Variants in TRIP4 observed in about 807,000 individuals in gnomAD.
The protein encoded by TRIP4 is activating signal cointegrator 1.
Under a neutral mutation model 81.8 loss-of-function variants are expected in TRIP4, and 54 were observed. The observed-to-expected ratio is 0.66, with a 90% CI of 0.53 to 0.83. The LOEUF is 0.83. Ranked by LOEUF, TRIP4 falls within the 40% of genes least tolerant of loss-of-function variation. The pLI, the probability that TRIP4 is intolerant of heterozygous loss-of-function variation, is 0.00. For synonymous variants in TRIP4, 270 were observed against 242.8 expected (o/e 1.11, Z -1.04); for missense variants, 662 against 683.6 (o/e 0.97, Z 0.35).
At chr15:64,412,432 T>G (rs1891786011) in intron 7 of TRIP4, among the ~76,000 whole-genome samples, 1 of 152,140 alleles carries the variant, frequency 6.6e-6, no homozygotes, top group South Asian at 2.1e-4. Context: ...TACAACATGT[T>G]GGATGATGGA....
chr15:64,398,338 T>C (rs1900354843), intron 4 of TRIP4, among the ~76,000 whole-genome samples: 1 of 127,492 alleles, frequency 7.8e-6, no homozygotes, highest in Non-Finnish European at 1.6e-5. Context: ...GAAGCCAAGG[T>C]GGGTTTTGGG....
chr15:64,452,567 C>T (rs1892794636), intron 12 of TRIP4, among the ~76,000 whole-genome samples: 2 of 152,256 alleles, frequency 1.3e-5, no homozygotes, highest in South Asian at 4.1e-4. Flanking sequence ...CTATAGAATG[C>T]ACTTCATGTT....
chr15:64,441,110 C>G (rs1378493407), intron 11 of TRIP4, among the ~76,000 whole-genome samples: 2 of 152,116 alleles, frequency 1.3e-5, no homozygotes, highest in East Asian at 3.9e-4. Flanking sequence ...CATTCTCCTG[C>G]CTCAGCCTCC....
At chr15:64,435,304 G>C (rs1165445465) in intron 11 of TRIP4, among the ~76,000 whole-genome samples, 1 of 149,028 alleles carries the variant, frequency 6.7e-6, no homozygotes, top group African/African-American at 2.5e-5. Flanking sequence ...GGCAGATCAC[G>C]AGGTCAGGAG....
At chr15:64,409,088 A>G (rs1015940889) in intron 6 of TRIP4, among the ~76,000 whole-genome samples, 2 of 151,980 alleles carry the variant, frequency 1.3e-5, no homozygotes, top group Non-Finnish European at 2.9e-5. Context: ...TGTTGCGCCT[A>G]TAATCCCAGC....
rs186399191 is a variant in TRIP4 at position 64,425,461 on chromosome 15, C to T, written c.1484-79C>T. 71 of 1,207,748 alleles carry T rather than the reference C, an allele frequency of 5.9e-5. No individual in the cohort carries two copies. The African/African-American group carries it at 1.0e-3, about 18-fold the overall frequency. 74.8% of individuals were successfully genotyped at this position (1,207,748 alleles called of 1,614,324 possible). ...ATGGAAAAAGTTATTAATGTTTGTTCAGAATTGAAAACAGATTCCTGAGTT... is the reference window on the plus strand; with the variant it reads ...ATGGAAAAAGTTATTAATGTTTGTTTAGAATTGAAAACAGATTCCTGAGTT... On this transcript the variant is annotated intron_variant, in intron 10 of 12. Transcript: ENST00000261884.
chr15:64,423,522 T>C (rs908152259), intron 9 of TRIP4, among the ~76,000 whole-genome samples: 1 of 131,114 alleles, frequency 7.6e-6, no homozygotes, highest in Non-Finnish European at 1.6e-5. Flanking sequence ...AGAGTAAAGA[T>C]AAGCGTTTTT....
chr15:64,400,473 C>CT (rs34275640), intron 4 of TRIP4, among the ~76,000 whole-genome samples: 29 of 125,708 alleles, frequency 2.3e-4, no homozygotes, highest in African/African-American at 5.3e-4. Context: ...TGTGCCCAGC[C>CT]TTTTTTTTTT....
intron 7 of TRIP4, among the ~76,000 whole-genome samples, chr15:64,411,076 T>C (rs1471266679): frequency 6.6e-6 from 1 of 152,218 alleles, no homozygotes; most frequent in Admixed American, 6.5e-5. Flanking sequence ...ATTCTGTTAC[T>C]GTGAATGGGA....
At chr15:64,450,370 G>A (rs1405893318) in intron 12 of TRIP4, among the ~76,000 whole-genome samples, 41 of 128,670 alleles carry the variant, frequency 3.2e-4, no homozygotes, top group Non-Finnish European at 5.2e-4. Flanking sequence ...GCCTGGGCGA[G>A]AGTGTGAGAC....
intron 10 of TRIP4, 44 bp from the exon 11 acceptor site, chr15:64,425,496 C>G (rs761133946): frequency 6.5e-7 from 1 of 1,530,842 alleles, no homozygotes; most frequent in Non-Finnish European, 9.0e-7. Context: ...TCCAAGATCA[C>G]AAAGAAGGAA....
At chr15:64,415,391 A>G (rs1182758400) in intron 8 of TRIP4, among the ~76,000 whole-genome samples, 2 of 152,200 alleles carry the variant, frequency 1.3e-5, no homozygotes, top group African/African-American at 4.8e-5. Flanking sequence ...AAGTACCACA[A>G]ATTAGGTGAC....
At chr15:64,427,557 G>A (rs962517301) in intron 11 of TRIP4, among the ~76,000 whole-genome samples, 1 of 152,008 alleles carries the variant, frequency 6.6e-6, no homozygotes, top group Non-Finnish European at 1.5e-5. Context: ...TGTATTTTTA[G>A]TAGAGACAAG....
rs904631526 is a variant in TRIP4, at chr15:64,406,311, C to T, written c.698-19C>T. ...GTATTTAGAGGCTGACACCATTTGA[C>T]TTCCTTATTGAATTTCAGGAGTGGA... On this transcript the variant is annotated intron_variant, in intron 5 of 12. Transcript: ENST00000261884. 12 of 1,611,434 alleles carry T rather than the reference C, an allele frequency of 7.4e-6. No individual in the cohort carries two copies. The highest frequency in any genetic ancestry group is 1.0e-5 in the Non-Finnish European group (12 of 1,179,142).
chr15:64,420,058 C>T (rs1346117876), intron 9 of TRIP4, among the ~76,000 whole-genome samples: 2 of 151,876 alleles, frequency 1.3e-5, no homozygotes, highest in African/African-American at 4.8e-5. Flanking sequence ...TCGTGATTCG[C>T]CCACCTTGGC....
intron 6 of TRIP4, among the ~76,000 whole-genome samples, chr15:64,408,813 A>T (rs1401785174): frequency 1.3e-5 from 2 of 152,126 alleles, no homozygotes; most frequent in Non-Finnish European, 2.9e-5. Flanking sequence ...GATCTTAGAG[A>T]TAGGCCTAAT....
At chr15:64,419,552 G>C (rs1891963600) in intron 9 of TRIP4, among the ~76,000 whole-genome samples, 1 of 151,616 alleles carries the variant, frequency 6.6e-6, no homozygotes, top group Admixed American at 6.6e-5. Flanking sequence ...TAGAGACGGG[G>C]TTTCACCTTG....
chr15:64,447,640 A>G (rs1244794481), intron 12 of TRIP4, among the ~76,000 whole-genome samples: 1 of 152,156 alleles, frequency 6.6e-6, no homozygotes, highest in Non-Finnish European at 1.5e-5. Flanking sequence ...AACTGACACA[A>G]ATTATTTACT....
In TRIP4 at chr15:64,409,814, A is replaced by G. The variant is rs1434408170; in HGVS notation, c.1029A>G (p.Ala343=). The change falls in exon 7 of 13, where the codon GCA becomes GCG. Residue 343 remains alanine (A), a synonymous_variant. Coordinates refer to ENST00000261884, the MANE Select transcript of TRIP4 (RefSeq NM_016213.5). ...RKILEEENSL[A]EYHSRLDETI... ...TCCTGGAAGAAGAAAATTCACTAGC[A>G]GAGTATCATAGCAGGTAAGTGAGCA... 3.1e-6 allele frequency: 5 copies of G among 1,614,002 alleles called. No homozygotes were observed. In the East Asian group the frequency reaches 8.9e-5, roughly 29 times the overall value.
Sources: gnomAD v4.1 joint callset for allele counts (sites outside exome capture counted in the v4.1 genomes callset) on GRCh38, gnomAD v4.1.1 for gene constraint, MANE v1.5 for transcripts, NCBI Gene and HGNC (gene_info 2026-07-23, HGNC 2026-07-21) for gene names.